ADGRL2: variants seen among roughly 807,000 people sequenced by gnomAD.
ADGRL2 encodes calcium-independent alpha-latrotoxin receptor 2.
Under a neutral mutation model 157.4 loss-of-function variants are expected in ADGRL2, and 44 were observed. That is an observed-to-expected ratio of 0.28 (90% confidence interval 0.22 to 0.36). The LOEUF is 0.36. Among genes scored for constraint, ADGRL2 ranks in the 10% least tolerant of loss-of-function variants. The pLI is 1.00. For missense variants in ADGRL2, 1,510 were observed against 1,768.9 expected (o/e 0.85, Z 2.63); for synonymous variants, 585 against 624.7 (o/e 0.94, Z 0.95).
chr1:81,335,931 T>C (rs1251621028), intron 1 of ADGRL2, among the ~76,000 whole-genome samples: 1 of 152,194 alleles, frequency 6.6e-6, no homozygotes, highest in East Asian at 1.9e-4. Context: ...GGAAAATTTC[T>C]ACTTCAATCA....
intron 6 of ADGRL2, among the ~76,000 whole-genome samples, chr1:81,948,708 A>G (rs1007581786): frequency 1.3e-5 from 2 of 152,238 alleles, no homozygotes; most frequent in Non-Finnish European, 2.9e-5. Context: ...ACAGGTTTGA[A>G]TAGGTTTCTG....
chr1:81,669,864 A>G (rs1570786222), intron 3 of ADGRL2, among the ~76,000 whole-genome samples: 1 of 148,360 alleles, frequency 6.7e-6, no homozygotes, highest in Non-Finnish European at 1.5e-5. Flanking sequence ...AATGGCATGA[A>G]CCCGGGAGGC....
rs545721512 is a variant in ADGRL2 at position 81,425,545 on chromosome 1, C to T, written c.-301-19491C>T. Among the ~76,000 whole-genome samples, 10 of 152,274 alleles carry T rather than the reference C, an allele frequency of 6.6e-5. No homozygotes were observed. In the South Asian group the frequency reaches 2.1e-3, roughly 32 times the overall value. ...ATGGCAAGTTTCATGGCTGACACTC[C>T]TATAACAAAAGACACAAATGTTTTT... On this transcript the variant is annotated intron_variant, in intron 1 of 24. Transcript: ENST00000370721.
rs190114184 is a variant in ADGRL2, at chr1:81,964,547, T to G, written c.2018-1511T>G. Among the ~76,000 whole-genome samples, 148 of 152,226 alleles carry G rather than the reference T, an allele frequency of 9.7e-4. 1 individual carries two copies. Among genetic ancestry groups the G allele is most frequent in the Admixed American group, 2.1e-3 (32 of 15,300 alleles). The stretch of plus-strand genomic sequence containing the variant: ...TAAATTTGTATTTCAGGGTTTGACA[T>G]GTGGTTTAATTGCTTATAAAAATGT... On this transcript the variant is annotated intron_variant, in intron 11 of 23. Transcript: ENST00000686636.
upstream of ADGRL2, among the ~76,000 whole-genome samples, chr1:81,696,035 A>C (rs2083436699): frequency 6.6e-6 from 1 of 152,114 alleles, no homozygotes; most frequent in African/African-American, 2.4e-5. Flanking sequence ...TTACCAGACC[A>C]CACCCAGAAG....
At chr1:81,760,971 C>T (rs996286169) in intron 1 of ADGRL2, among the ~76,000 whole-genome samples, 4 of 151,644 alleles carry the variant, frequency 2.6e-5, no homozygotes, top group Admixed American at 2.6e-4. Flanking sequence ...ATTTGACTTC[C>T]ATATTTAGTA....
At position 81,943,619 on chromosome 1, in the gene ADGRL2, C is replaced by G. The variant is rs757891324; in HGVS notation, c.1060C>G (p.Arg354Gly). Residue 354 changes from arginine to glycine, a missense_variant, in exon 6 of 24, where the codon CGA (arginine) becomes GGA (glycine). Coordinates refer to ENST00000686636, the MANE Select transcript of ADGRL2 (RefSeq NM_001366006.2). This position sits in a 1 kb window ranked among gnomAD's most constrained non-coding sequence, Gnocchi z 5.6. ...TTACATTTATAATACCCGATTAAAC[C>G]GAGGAGAATATGTAGATGTTCCCTT... ...IDYIYNTRLN[R>G]GEYVDVPFPN... 20 of 1,613,532 alleles carry G rather than the reference C, an allele frequency of 1.2e-5. No individual in the cohort carries two copies. In the South Asian group the frequency reaches 2.2e-4, roughly 18 times the overall value.
At chr1:81,580,815 A>T (rs753941349) in intron 2 of ADGRL2, 5 of 152,096 alleles carry the variant, frequency 3.3e-5, no homozygotes, top group Non-Finnish European at 5.9e-5. Context: ...GCCTTTTTCG[A>T]AATTAAACTA....
chr1:81,696,001 A>G (rs963904100), upstream of ADGRL2, among the ~76,000 whole-genome samples: 1 of 152,074 alleles, frequency 6.6e-6, no homozygotes, highest in Non-Finnish European at 1.5e-5. Flanking sequence ...AGAGAAATGT[A>G]GCTCTCTCGC....
intron 1 of ADGRL2, among the ~76,000 whole-genome samples, chr1:81,431,709 C>A (rs1037020371): frequency 3.3e-5 from 5 of 152,182 alleles, no homozygotes; most frequent in African/African-American, 1.2e-4. Context: ...TTCCAGCACT[C>A]AAATTGCCTG....
chr1:81,628,394 C>T (rs1294821092), intron 3 of ADGRL2, among the ~76,000 whole-genome samples: 1 of 152,080 alleles, frequency 6.6e-6, no homozygotes, highest in Non-Finnish European at 1.5e-5. Flanking sequence ...TTCTTATGGT[C>T]CTGTGGCATC....
At position 81,744,001 on chromosome 1, in the gene ADGRL2, A is replaced by T. The variant is rs1162506116; in HGVS notation, c.-142-17810A>T. Among the ~76,000 whole-genome samples the T allele has an allele frequency of 2.0e-5, 3 of 152,272 alleles. No individual in the cohort carries two copies. In the East Asian group the frequency reaches 5.8e-4, roughly 29 times the overall value. On this transcript the variant is annotated intron_variant, in intron 1 of 20. Coordinates refer to the ADGRL2 transcript ENST00000359929. ...ATGTAGCTGATGATCAAATGTATTT[A>T]CTGTGGGAAAACTAAGATTGGATAT...
chr1:81,747,036 A>G (rs1034369852), intron 1 of ADGRL2, among the ~76,000 whole-genome samples: 4 of 129,026 alleles, frequency 3.1e-5, no homozygotes, highest in Non-Finnish European at 7.2e-5. Flanking sequence ...GTATATACGT[A>G]TATATATGTA....
At chr1:81,961,113 C>A (rs929976948) in intron 11 of ADGRL2, among the ~76,000 whole-genome samples, 2 of 149,778 alleles carry the variant, frequency 1.3e-5, no homozygotes, top group African/African-American at 2.4e-5. Context: ...TATTAAAATT[C>A]TGTTTACAGT....
intron 1 of ADGRL2, among the ~76,000 whole-genome samples, chr1:81,835,963 T>C (rs1018147322): frequency 1.3e-5 from 2 of 152,150 alleles, no homozygotes; most frequent in Admixed American, 1.3e-4. Flanking sequence ...TAGAATGTAG[T>C]GTACTGCTAA....
chr1:81,508,760 A>G lies in ADGRL2; in HGVS notation c.-248+63671A>G, dbSNP rs551702840. ...AGGAATCACACACGAGGGTACCGCCATCTCATAAGGAATGTTCTCAACATT... is the reference window on the plus strand; with the variant it reads ...AGGAATCACACACGAGGGTACCGCCGTCTCATAAGGAATGTTCTCAACATT... On this transcript the variant is annotated intron_variant, in intron 2 of 24. Transcript: ENST00000370721. Among the ~76,000 whole-genome samples the G allele has an allele frequency of 2.0e-5, 3 of 152,338 alleles. No homozygotes were observed. In the South Asian group the frequency reaches 6.2e-4, roughly 32 times the overall value.
At position 81,981,963 on chromosome 1, in the gene ADGRL2, C is replaced by T. The variant is rs764559323; in HGVS notation, c.3269C>T (p.Ala1090Val). 18 of 1,611,304 alleles carry T rather than the reference C, an allele frequency of 1.1e-5. No individual in the cohort carries two copies. Among genetic ancestry groups the T allele is most frequent in the Middle Eastern group, 1.7e-4 (1 of 6,022 alleles). Residue 1090 changes from alanine (A) to valine (V), a missense_variant, in exon 19 of 24, where the codon GCT becomes GTT. Around this residue, in one of 4 missense-constraint regions of ADGRL2, gnomAD observed 497 missense variants for 627.2 expected, o/e 0.79. Transcript: ENST00000686636. ...QGVFIFIFHC[A>V]LQKKVRKEYG... ...GTGTTCATTTTCATCTTTCACTGTGCTCTCCAAAAGAAAGTAAGTAATTGA... is the reference window on the plus strand; with the variant it reads ...GTGTTCATTTTCATCTTTCACTGTGTTCTCCAAAAGAAAGTAAGTAATTGA...
chr1:81,914,317 ATCT>A (rs1258500683), intron 3 of ADGRL2, among the ~76,000 whole-genome samples: 4 of 152,178 alleles, frequency 2.6e-5, no homozygotes, highest in African/African-American at 9.6e-5. Flanking sequence ...TCTTTCTAAA[ATCT>A]TCATATTTCT....
intron 2 of ADGRL2, among the ~76,000 whole-genome samples, chr1:81,532,053 C>G: frequency 6.6e-6 from 1 of 152,110 alleles, no homozygotes; most frequent in East Asian, 1.9e-4. Flanking sequence ...TTTAGTCATG[C>G]CTTTACAAGC....
Sources: allele counts gnomAD v4.1 joint callset (sites outside exome capture counted in the v4.1 genomes callset), GRCh38; gene constraint gnomAD v4.1.1; regional missense constraint gnomAD v4.1.1; non-coding constraint Gnocchi (gnomAD v3.1); transcripts MANE v1.5; gene names NCBI Gene and HGNC (gene_info 2026-07-23, HGNC 2026-07-21).